Variants in GRIK2 observed in about 807,000 individuals in gnomAD.
The protein encoded by GRIK2 is glutamate ionotropic receptor kainate type subunit 2.
GRIK2 carries 32 observed loss-of-function variants against 100.3 expected under a neutral mutation model. The observed-to-expected ratio is 0.32, with a 90% CI of 0.24 to 0.43. The LOEUF is 0.43. GRIK2 is among the 20% of genes least tolerant of loss of function. The probability of loss-of-function intolerance (pLI) is 1.00; values close to 1 mark genes in which losing one functional copy is unlikely to be tolerated. For missense variants in GRIK2, 843 were observed against 1,114.9 expected (o/e 0.76, Z 3.47); for synonymous variants, 417 against 389.4 (o/e 1.07, Z -0.83).
At chr6:101,783,559 G>A (rs1250902910) in intron 7 of GRIK2, among the ~76,000 whole-genome samples, 1 of 152,208 alleles carries the variant, frequency 6.6e-6, no homozygotes, top group Non-Finnish European at 1.5e-5. Context: ...AAATGTGAAA[G>A]TGACTTTGGA....
chr6:101,763,451 C>T (rs1777854327), intron 7 of GRIK2, among the ~76,000 whole-genome samples: 1 of 152,154 alleles, frequency 6.6e-6, no homozygotes, highest in Non-Finnish European at 1.5e-5. Context: ...ATGTCTATGT[C>T]TCCCAGAAGA....
chr6:101,864,562 C>CT (rs1269724405), intron 11 of GRIK2, among the ~76,000 whole-genome samples: 7 of 152,128 alleles, frequency 4.6e-5, no homozygotes, highest in African/African-American at 1.4e-4. Flanking sequence ...GAAGTAAACT[C>CT]TAAGTTGGGA....
chr6:101,952,912 A>G (rs970108983), intron 14 of GRIK2, among the ~76,000 whole-genome samples: 2 of 152,194 alleles, frequency 1.3e-5, no homozygotes, highest in African/African-American at 4.8e-5. Context: ...TTGAAAATAA[A>G]CCATGTACTC....
intron 3 of GRIK2, among the ~76,000 whole-genome samples, chr6:101,624,885 C>A (rs1582846420): frequency 6.6e-6 from 1 of 152,110 alleles, no homozygotes; most frequent in African/African-American, 2.4e-5. Flanking sequence ...GCACACAGCA[C>A]CATGCCCAGC....
intron 2 of GRIK2, among the ~76,000 whole-genome samples, chr6:101,578,558 G>A (rs1777895856): frequency 6.6e-6 from 1 of 152,116 alleles, no homozygotes; most frequent in Non-Finnish European, 1.5e-5. Flanking sequence ...ATCTGGTTGT[G>A]CATTTGGACT....
At chr6:101,472,583 A>G (rs113205213) in intron 2 of GRIK2, among the ~76,000 whole-genome samples, 13,349 of 151,856 alleles carry the variant, frequency 0.088, 617 homozygotes, top group South Asian at 0.11. Context: ...GATATTACAT[A>G]CAGCCTACAT....
chr6:101,466,426 C>T (rs544820771), intron 2 of GRIK2, among the ~76,000 whole-genome samples: 22 of 151,836 alleles, frequency 1.4e-4, no homozygotes, highest in East Asian at 1.2e-3. Context: ...AACAGCCTTA[C>T]GAATGACCAA....
Position 101,839,036 on chromosome 6 carries a change from C to T in GRIK2, c.1318-20251C>T, listed in dbSNP as rs1783331858. 3.3e-5 allele frequency among the ~76,000 whole-genome samples: 5 copies of T among 151,738 alleles called. No homozygotes were observed. In the South Asian group the frequency reaches 1.0e-3, roughly 32 times the overall value. On this transcript the variant is annotated intron_variant, in intron 10 of 16. Transcript: ENST00000369134. ...CTCTTTTTGATGCCAGGTTCATGCT[C>T]CTGCACCAGTTTTGTTTGTTTGTTT...
In GRIK2 at chr6:101,686,182, C is replaced by T. The variant is rs1479310344; in HGVS notation, c.780C>T (p.Asp260=). 1.2e-6 allele frequency: 2 copies of T among 1,606,712 alleles called. No individual in the cohort carries two copies. The highest frequency in any genetic ancestry group is 2.2e-5 in the East Asian group (1 of 44,758). ...ACACAATAACATTTGTCTTTCAGGA[C>T]CTCTTTGCTCTTGATGTTGAGCCCT... ...EYYHYIFTTL[D]LFALDVEPYR... is the part of the protein sequence containing the mutation. Residue 260 remains aspartate (D), a splice_region_variant and synonymous_variant, in exon 7 of 17, where the codon GAC becomes GAT. Coordinates refer to ENST00000369134, the MANE Select transcript of GRIK2 (RefSeq NM_021956.5).
intron 7 of GRIK2, among the ~76,000 whole-genome samples, chr6:101,754,787 C>A (rs1470437293): frequency 6.6e-6 from 1 of 152,026 alleles, no homozygotes; most frequent in Non-Finnish European, 1.5e-5. Context: ...ATAGCAGAAA[C>A]GATATGTGCA....
At chr6:101,786,103 G>A (rs1779405838) in intron 7 of GRIK2, among the ~76,000 whole-genome samples, 1 of 151,966 alleles carries the variant, frequency 6.6e-6, no homozygotes, top group African/African-American at 2.4e-5. Flanking sequence ...CTTCTTGATA[G>A]TTTGGCTGAT....
At chr6:101,759,172 C>T (rs549978343) in intron 7 of GRIK2, among the ~76,000 whole-genome samples, 152 of 152,180 alleles carry the variant, frequency 1.0e-3, no homozygotes, top group Admixed American at 3.4e-3. Context: ...TGGAGCTTTA[C>T]CTAAAATGGG....
At chr6:101,906,449 C>T (rs1788236836) in intron 12 of GRIK2, among the ~76,000 whole-genome samples, 1 of 150,678 alleles carries the variant, frequency 6.6e-6, no homozygotes. Context: ...CATTTACTCC[C>T]AAATTTTTGA....
intron 2 of GRIK2, among the ~76,000 whole-genome samples, chr6:101,502,946 A>C (rs1427581586): frequency 6.6e-6 from 1 of 152,110 alleles, no homozygotes; most frequent in African/African-American, 2.4e-5. Flanking sequence ...CTCCCTCCCC[A>C]GCTCCTATTC....
intron 12 of GRIK2, among the ~76,000 whole-genome samples, chr6:101,921,222 C>T (rs1046595777): frequency 1.3e-5 from 2 of 151,898 alleles, no homozygotes; most frequent in Admixed American, 6.6e-5. Context: ...TGCAATTGTT[C>T]ATTTAAGGAT....
At chr6:101,762,289 C>T (rs1171169213) in intron 7 of GRIK2, among the ~76,000 whole-genome samples, 4 of 152,010 alleles carry the variant, frequency 2.6e-5, no homozygotes, top group Admixed American at 6.6e-5. Context: ...ATCCTCCCAT[C>T]TCAGCCTCCC....
intron 14 of GRIK2, among the ~76,000 whole-genome samples, chr6:101,954,058 G>C (rs1299298499): frequency 6.6e-6 from 1 of 152,078 alleles, no homozygotes; most frequent in Admixed American, 6.5e-5. Context: ...AACAAGAAAT[G>C]ACCATAATGT....
intron 12 of GRIK2, among the ~76,000 whole-genome samples, chr6:101,892,653 C>T (rs564475202): frequency 2.0e-5 from 3 of 151,454 alleles, no homozygotes; most frequent in Non-Finnish European, 4.4e-5. Flanking sequence ...CAAATTGCCT[C>T]ATAAAAAAAT....
chr6:101,416,876 G>A (rs1270599228), intron 2 of GRIK2, among the ~76,000 whole-genome samples: 2 of 152,118 alleles, frequency 1.3e-5, no homozygotes, highest in Non-Finnish European at 2.9e-5. Context: ...CTCTATATTT[G>A]GGAGAAGCCT....
Sources: gnomAD v4.1 joint callset for allele counts (sites outside exome capture counted in the v4.1 genomes callset) on GRCh38, gnomAD v4.1.1 for gene constraint, MANE v1.5 for transcripts, NCBI Gene and HGNC (gene_info 2026-07-23, HGNC 2026-07-21) for gene names.